LMX1A: variants seen among roughly 807,000 people sequenced by gnomAD.
The protein encoded by LMX1A is LIM homeobox transcription factor 1 alpha.
Under a neutral mutation model 49.1 loss-of-function variants are expected in LMX1A, and 15 were observed. That is an observed-to-expected ratio of 0.31 (90% CI 0.20 to 0.47). LMX1A has a LOEUF of 0.47. Among genes scored for constraint, LMX1A ranks in the 20% least tolerant of loss-of-function variants. The pLI is 1.00. For synonymous variants in LMX1A, 167 were observed against 185.7 expected (o/e 0.90, Z 0.82); for missense variants, 372 against 475.8 (o/e 0.78, Z 2.03).
intron 3 of LMX1A, among the ~76,000 whole-genome samples, chr1:165,344,387 T>C (rs368739412): frequency 6.6e-6 from 1 of 151,818 alleles, no homozygotes; most frequent in Non-Finnish European, 1.5e-5. Context: ...GGAGAAAGAG[T>C]GAGGCGGTAG....
Position 165,249,472 on chromosome 1 carries a change from G to C in LMX1A, c.432C>G (p.Cys144Trp). ...CCCGCTCCTTCTCATAGTCCCCTTT[G>C]CAGAGCAGCTGCCCCTCCTTCAGGA... ...EFVLKEGQLL[C>W]KGDYEKEREL... The change falls in exon 4 of 9, where the codon TGC becomes TGG. Residue 144 changes from cysteine (C) to tryptophan (W), a missense_variant. Transcript: ENST00000342310. The C allele has an allele frequency of 6.2e-7, 1 of 1,614,064 alleles. No individual in the cohort carries two copies. Among genetic ancestry groups the C allele is most frequent in the Non-Finnish European group, 8.5e-7 (1 of 1,180,048 alleles).
At chr1:165,335,286 C>G (rs536825374) in intron 3 of LMX1A, among the ~76,000 whole-genome samples, 1 of 152,172 alleles carries the variant, frequency 6.6e-6, no homozygotes, top group South Asian at 2.1e-4. Flanking sequence ...AATTTGAAGA[C>G]TTTGAACTTT....
At chr1:165,206,383 G>T (rs888272004) in intron 7 of LMX1A, among the ~76,000 whole-genome samples, 1 of 152,142 alleles carries the variant, frequency 6.6e-6, no homozygotes, top group Non-Finnish European at 1.5e-5. Flanking sequence ...ACCTCATTGG[G>T]TTGATGGGAA....
chr1:165,261,659 G>A (rs1653444702), intron 3 of LMX1A, among the ~76,000 whole-genome samples: 1 of 152,236 alleles, frequency 6.6e-6, no homozygotes, highest in South Asian at 2.1e-4. Flanking sequence ...CAGAGGAACA[G>A]ATAAACAAAA....
At chr1:165,240,378 G>C (rs1173356576) in intron 4 of LMX1A, among the ~76,000 whole-genome samples, 1 of 151,870 alleles carries the variant, frequency 6.6e-6, no homozygotes, top group African/African-American at 2.4e-5. Flanking sequence ...AGAATGGCTA[G>C]ATTGATCTCC....
At chr1:165,252,011 G>A (rs12141924) in intron 3 of LMX1A, among the ~76,000 whole-genome samples, 1,642 of 152,254 alleles carry the variant, frequency 0.011, 13 homozygotes, top group Middle Eastern at 0.061. Flanking sequence ...CTGTTGTTAA[G>A]ATGTTAGGCC....
chr1:165,249,763 G>A, intron 3 of LMX1A, 123 bp from the exon 4 acceptor site: 2 of 687,182 alleles, frequency 2.9e-6, no homozygotes, highest in East Asian at 5.4e-5. Context: ...AGAATGGAAT[G>A]TACTTTAAAT....
chr1:165,255,129 A>G (rs766148422), intron 3 of LMX1A, among the ~76,000 whole-genome samples: 2 of 152,236 alleles, frequency 1.3e-5, no homozygotes, highest in Non-Finnish European at 2.9e-5. Flanking sequence ...TCTGGAAGGC[A>G]GCAGACTCTA....
rs759333268 is a variant in LMX1A at position 165,355,442 on chromosome 1, C to A, written c.76+42G>T. On this transcript the variant is annotated intron_variant, in intron 2 of 8. Coordinates refer to ENST00000342310, the MANE Select transcript of LMX1A (RefSeq NM_177398.4). The surrounding 1 kb of genome is among the most constrained non-coding windows in gnomAD (Gnocchi z 4.7). ...CGGGGCTCCAGAGCTCAGCGCCAAG[C>A]GGAAAGAGAGTGCGCCCAGGACGCA... 1.2e-6 allele frequency: 2 copies of A among 1,600,638 alleles called. No homozygotes were observed. Among genetic ancestry groups the A allele is most frequent in the Non-Finnish European group, 1.7e-6 (2 of 1,169,452 alleles).
chr1:165,351,922 G>A (rs1180776780), intron 3 of LMX1A, among the ~76,000 whole-genome samples: 1 of 152,178 alleles, frequency 6.6e-6, no homozygotes, highest in Non-Finnish European at 1.5e-5. Context: ...ACCCTCCTTT[G>A]ATTATCTTCA....
intron 3 of LMX1A, among the ~76,000 whole-genome samples, chr1:165,282,154 C>T (rs545878633): frequency 6.6e-6 from 1 of 152,202 alleles, no homozygotes; most frequent in South Asian, 2.1e-4. Flanking sequence ...ATCCATTCAG[C>T]CTCATGGTTT....
intron 4 of LMX1A, 75 bp from the exon 5 acceptor site, chr1:165,213,888 GCCT>G (rs1651534090): frequency 7.5e-7 from 1 of 1,331,420 alleles, no homozygotes; most frequent in South Asian, 1.3e-5. Context: ...CCATAGCAAG[GCCT>G]CCAGGTCCAC....
intron 3 of LMX1A, among the ~76,000 whole-genome samples, chr1:165,346,391 A>G (rs1218765012): frequency 6.6e-6 from 1 of 152,238 alleles, no homozygotes; most frequent in African/African-American, 2.4e-5. Context: ...TAGGAAAAGC[A>G]CAGTCCACTT....
In LMX1A at chr1:165,203,560, A is replaced by G. The variant is rs1202880725; in HGVS notation, c.*320T>C. 23 of 206,060 alleles carry G rather than the reference A, an allele frequency of 1.1e-4. No individual in the cohort carries two copies. Among genetic ancestry groups the G allele is most frequent in the Non-Finnish European group, 2.0e-5 (2 of 99,632 alleles). 12.8% of individuals were successfully genotyped at this position (206,060 alleles called of 1,614,324 possible). ...GCACCTCTTGACAAGAGCTTCCCCG[A>G]CATGGTGGGAAGTTGTTAGGAGTCC... On this transcript the variant is annotated 3_prime_UTR_variant, in exon 9 of 9. Transcript: ENST00000342310.
At chr1:165,289,807 A>T (rs547139640) in intron 3 of LMX1A, among the ~76,000 whole-genome samples, 2 of 152,322 alleles carry the variant, frequency 1.3e-5, no homozygotes, top group African/African-American at 4.8e-5. Flanking sequence ...GTTAGATCTG[A>T]TAGGAGTACT....
chr1:165,310,099 T>C (rs1205004653), intron 3 of LMX1A, among the ~76,000 whole-genome samples: 1 of 152,136 alleles, frequency 6.6e-6, no homozygotes, highest in East Asian at 1.9e-4. Context: ...TTTCACAGAG[T>C]TTCAGTCTCT....
rs924266362 is a variant in LMX1A at position 165,355,248 on chromosome 1, C to T, written c.76+236G>A. ...CGCCTACGAACAAGCTCGCCCGCCCCTCGCGGCTTTGGGGAATTCGGTGCC... is the reference window on the plus strand; with the variant it reads ...CGCCTACGAACAAGCTCGCCCGCCCTTCGCGGCTTTGGGGAATTCGGTGCC... On this transcript the variant is annotated intron_variant, in intron 2 of 8. Transcript: ENST00000342310. This position sits in a 1 kb window ranked among gnomAD's most constrained non-coding sequence, Gnocchi z 4.7. Among the ~76,000 whole-genome samples the T allele has an allele frequency of 6.6e-6, 1 of 152,180 alleles. No homozygotes were observed. The highest frequency in any genetic ancestry group is 2.4e-5 in the African/African-American group (1 of 41,440).
chr1:165,289,962 C>T (rs1475744375), intron 3 of LMX1A, among the ~76,000 whole-genome samples: 1 of 152,164 alleles, frequency 6.6e-6, no homozygotes, highest in Non-Finnish European at 1.5e-5. Context: ...ACAGGCCCAT[C>T]CTTAGGGAGT....
rs779483414 is a variant in LMX1A, at chr1:165,205,890, A to T, written c.962T>A (p.Met321Lys). Residue 321 changes from methionine to lysine, a missense_variant, in exon 8 of 9, where the codon ATG (methionine) becomes AAG (lysine). This residue lies in a region of LMX1A where 127 missense variants were observed against 138.0 expected (regional missense o/e 0.92). Transcript: ENST00000342310. ...PFRQGLTPPQ[M>K]PGDHMHPYGA... ...ATAAGGGTGCATGTGGTCTCCAGGCATCTGGGGTGGGGTGAGACCCTGTCG... is the reference window on the plus strand; with the variant it reads ...ATAAGGGTGCATGTGGTCTCCAGGCTTCTGGGGTGGGGTGAGACCCTGTCG... 3.7e-6 allele frequency: 6 copies of T among 1,613,890 alleles called. No homozygotes were observed. The African/African-American group carries it at 8.0e-5, about 22-fold the overall frequency.
Sources: gnomAD v4.1 joint callset for allele counts (sites outside exome capture counted in the v4.1 genomes callset) on GRCh38, gnomAD v4.1.1 for gene constraint, gnomAD v4.1.1 regional missense constraint, Gnocchi (gnomAD v3.1) non-coding constraint, MANE v1.5 for transcripts, NCBI Gene and HGNC (gene_info 2026-07-23, HGNC 2026-07-21) for gene names.